The following ALG12 variants were observed in gnomAD, a reference collection of about 807,000 sequenced individuals.
ALG12 encodes ALG12 alpha-1,6-mannosyltransferase, also known as dol-P-Man:Man(7)GlcNAc(2)-PP-Dol alpha-1,6-mannosyltransferase.
Under a neutral mutation model 46.0 loss-of-function variants are expected in ALG12, and 36 were observed. The observed-to-expected ratio is 0.78, with a 90% CI of 0.60 to 1.03. The LOEUF is 1.03. ALG12 is among the 50% of genes least tolerant of loss of function. The probability of loss-of-function intolerance (pLI) is 0.00; values close to 1 mark genes in which losing one functional copy is unlikely to be tolerated. For missense variants in ALG12, 599 were observed against 633.5 expected, an observed-to-expected ratio of 0.95 and a Z score of 0.58; for synonymous variants, 326 against 291.6, an observed-to-expected ratio of 1.12 and a Z score of -1.20.
At chr22:49,876,031 T>C in the ALG12 span, among the ~76,000 whole-genome samples, 4 of 152,176 alleles carry the variant, frequency 2.6e-5, no homozygotes, top group Non-Finnish European at 5.9e-5. Context: ...CTTTTGTGTG[T>C]TTTTTCTTTG....
downstream of ALG12, among the ~76,000 whole-genome samples, chr22:49,897,903 C>T (rs977905858): frequency 1.3e-5 from 2 of 152,130 alleles, no homozygotes; most frequent in African/African-American, 4.8e-5. Flanking sequence ...TCGTGATCTG[C>T]CCGTCTTGGC....
the ALG12 span, chr22:49,886,578 C>T: frequency 9.6e-6 from 15 of 1,555,256 alleles, no homozygotes; most frequent in East Asian, 6.8e-5. This position sits in a 1 kb window ranked among gnomAD's most constrained non-coding sequence, Gnocchi z 7.7. Context: ...AGATGCTCTT[C>T]GAGGAGACGA....
At chr22:49,864,228 C>T in the ALG12 span, among the ~76,000 whole-genome samples, 1 of 152,242 alleles carries the variant, frequency 6.6e-6, no homozygotes, top group African/African-American at 2.4e-5. Flanking sequence ...TCTTTTTCCA[C>T]TGAGAGTGCT....
At chr22:49,878,969 C>T in the ALG12 span, among the ~76,000 whole-genome samples, 1 of 151,656 alleles carries the variant, frequency 6.6e-6, no homozygotes, top group African/African-American at 2.4e-5. Flanking sequence ...ATGGTGAAAC[C>T]CCGTCTCTAC....
At chr22:49,884,717 ACTC>A in the ALG12 span, 10 of 1,595,852 alleles carry the variant, frequency 6.3e-6, no homozygotes, top group Non-Finnish European at 8.5e-6. Flanking sequence ...CCGCCACTGT[ACTC>A]CACCCCTCCC....
chr22:49,903,734 C>T lies in ALG12; in HGVS notation c.*104G>A, dbSNP rs777326568. ...CAGAGGCAGGTGCCCAGTCCTTTGACTTGCTTCTCTGAATTGTCATAATTG... is the reference window on the plus strand; with the variant it reads ...CAGAGGCAGGTGCCCAGTCCTTTGATTTGCTTCTCTGAATTGTCATAATTG... On this transcript the variant is annotated 3_prime_UTR_variant, in exon 10 of 10. Coordinates refer to ENST00000330817, the MANE Select transcript of ALG12 (RefSeq NM_024105.4). 66 of 1,376,706 alleles carry T rather than the reference C, an allele frequency of 4.8e-5. No homozygotes were observed. The South Asian group carries it at 7.7e-4, about 16-fold the overall frequency. 85.3% of individuals were successfully genotyped at this position (1,376,706 alleles called of 1,614,324 possible).
the ALG12 span, chr22:49,887,580 T>C: frequency 3.4e-5 from 6 of 176,954 alleles, no homozygotes; most frequent in African/African-American, 1.4e-4. Flanking sequence ...TAGTGAAGCA[T>C]TGCTTTAATT....
the ALG12 span, among the ~76,000 whole-genome samples, chr22:49,864,515 G>A: frequency 6.6e-6 from 1 of 152,142 alleles, no homozygotes; most frequent in Non-Finnish European, 1.5e-5. Flanking sequence ...AGTCGAAAAT[G>A]CACTTAATAC....
Position 49,903,701 on chromosome 22 carries a change from G to A in ALG12, c.*137C>T. 6.0e-6 allele frequency: 6 copies of A among 992,022 alleles called. No individual in the cohort carries two copies. 61.5% of individuals were successfully genotyped at this position (992,022 alleles called of 1,614,324 possible). Reference sequence around the variant, plus strand: ...TGGAGGAGGCCCTGGACCTGGTCTGGTGTCTGTCAGAGGCAGGTGCCCAGT... The same window carrying A: ...TGGAGGAGGCCCTGGACCTGGTCTGATGTCTGTCAGAGGCAGGTGCCCAGT... On this transcript the variant is annotated 3_prime_UTR_variant, in exon 10 of 10. Transcript: ENST00000330817.
the ALG12 span, among the ~76,000 whole-genome samples, chr22:49,859,761 C>T: frequency 6.6e-6 from 1 of 152,208 alleles, no homozygotes; most frequent in African/African-American, 2.4e-5. Flanking sequence ...TGTGGTGGCT[C>T]ACACCTGTAA....
intron 3 of ALG12, among the ~76,000 whole-genome samples, chr22:49,912,160 GCCCCAGGATGACATGCTCTTCAT>G (rs1353320200): frequency 1.3e-5 from 2 of 152,032 alleles, no homozygotes; most frequent in Admixed American, 1.3e-4. Context: ...ATCACCCTCG[GCCCCAGGATGACATGCTCTTCAT>G]CCAGAGAGGA....
the ALG12 span, among the ~76,000 whole-genome samples, chr22:49,891,710 CT>C: frequency 6.6e-6 from 1 of 152,162 alleles, no homozygotes; most frequent in African/African-American, 2.4e-5. Flanking sequence ...CTGATTCTTA[CT>C]GCCTCAAACT....
downstream of ALG12, among the ~76,000 whole-genome samples, chr22:49,897,952 T>A (rs1251457386): frequency 6.6e-6 from 1 of 151,140 alleles, no homozygotes; most frequent in Non-Finnish European, 1.5e-5. Context: ...AGCCACCACG[T>A]CCGGCCTCAA....
At chr22:49,917,430 G>A in intron 1 of ALG12, among the ~76,000 whole-genome samples, 1 of 149,896 alleles carries the variant, frequency 6.7e-6, no homozygotes, top group East Asian at 1.9e-4. Context: ...TAGCACTTTG[G>A]GAGGCTGAGG....
the ALG12 span, chr22:49,885,543 C>G: frequency 1.2e-6 from 2 of 1,606,318 alleles, no homozygotes; most frequent in Non-Finnish European, 1.7e-6. Context: ...CTCCGGACAC[C>G]CGGGTGCCGC....
In ALG12 at chr22:49,905,406, T is replaced by G. The variant is rs2060537208; in HGVS notation, c.993-900A>C. On this transcript the variant is annotated intron_variant, in intron 7 of 9. Transcript: ENST00000330817. The surrounding 1 kb of genome is among the most constrained non-coding windows in gnomAD (Gnocchi z 4.9). ...GGATCTGCGTCCCCACCAAATCTCATGTCCAACTGTGATCCCCAATGCTGG... is the reference window on the plus strand; with the variant it reads ...GGATCTGCGTCCCCACCAAATCTCAGGTCCAACTGTGATCCCCAATGCTGG... Among the ~76,000 whole-genome samples, 1 of 152,142 alleles carries G rather than the reference T, an allele frequency of 6.6e-6. No individual in the cohort carries two copies. The highest frequency in any genetic ancestry group is 2.1e-4 in the South Asian group (1 of 4,826).
chr22:49,885,172 C>T, the ALG12 span: 14 of 1,613,960 alleles, frequency 8.7e-6, no homozygotes, highest in South Asian at 2.2e-5. Context: ...TCTCTACCGG[C>T]GCCATCCAGA....
At chr22:49,876,511 T>G in the ALG12 span, among the ~76,000 whole-genome samples, 2 of 152,182 alleles carry the variant, frequency 1.3e-5, no homozygotes, top group African/African-American at 4.8e-5. Flanking sequence ...CCTTATAATT[T>G]TGTGATGTTG....
At chr22:49,863,465 A>T in the ALG12 span, among the ~76,000 whole-genome samples, 3 of 152,216 alleles carry the variant, frequency 2.0e-5, no homozygotes, top group Non-Finnish European at 4.4e-5. Flanking sequence ...CGTCTCTACT[A>T]AAAATACAAA....
Sources: allele counts gnomAD v4.1 joint callset (sites outside exome capture counted in the v4.1 genomes callset), GRCh38; gene constraint gnomAD v4.1.1; non-coding constraint Gnocchi (gnomAD v3.1); transcripts MANE v1.5; gene names NCBI Gene and HGNC (gene_info 2026-07-23, HGNC 2026-07-21).